COP1: variants seen among roughly 807,000 people sequenced by gnomAD.
COP1 encodes COP1 E3 ubiquitin ligase.
Under a neutral mutation model 101.3 loss-of-function variants are expected in COP1, and 24 were observed. That is an observed-to-expected ratio of 0.24 (90% CI 0.17 to 0.33). The LOEUF (loss-of-function observed/expected upper bound fraction) is 0.33, where lower values mean the gene tolerates loss of function less well. Ranked by LOEUF, COP1 falls within the 10% of genes least tolerant of loss-of-function variation. COP1 has a pLI of 1.00. For synonymous variants in COP1, 347 were observed against 341.9 expected (o/e 1.01, Z -0.17); for missense variants, 663 against 906.2 (o/e 0.73, Z 3.45).
chr1:176,116,564 T>C (rs1228212068), intron 9 of COP1, 60 bp downstream of exon 9: 2 of 1,357,182 alleles, frequency 1.5e-6, no homozygotes, highest in Non-Finnish European at 2.1e-6. Context: ...TAATCTATGA[T>C]TTTATAACTC....
chr1:176,176,331 T>A (rs1322646196), intron 2 of COP1, among the ~76,000 whole-genome samples: 1 of 152,164 alleles, frequency 6.6e-6, no homozygotes, highest in Non-Finnish European at 1.5e-5. Context: ...ACAGCTCAGT[T>A]AAGCAAACAG....
chr1:176,121,228 ATTTAATATT>A, intron 8 of COP1, among the ~76,000 whole-genome samples: 1 of 151,896 alleles, frequency 6.6e-6, no homozygotes, highest in East Asian at 1.9e-4. Flanking sequence ...ATTTTTAATA[ATTTAATATT>A]TTTAATATTT....
At chr1:176,025,658 G>C (rs1667539929) in intron 15 of COP1, among the ~76,000 whole-genome samples, 1 of 152,074 alleles carries the variant, frequency 6.6e-6, no homozygotes, top group Non-Finnish European at 1.5e-5. Flanking sequence ...GGGAAGCTGA[G>C]GTAGGCAGAC....
At chr1:176,115,426 G>T (rs1296793236) in intron 9 of COP1, among the ~76,000 whole-genome samples, 1 of 151,822 alleles carries the variant, frequency 6.6e-6, no homozygotes, top group East Asian at 1.9e-4. Context: ...CTCCAGCCTG[G>T]GCAGGAGCGG....
At chr1:176,114,070 G>T (rs1440072595) in intron 9 of COP1, among the ~76,000 whole-genome samples, 1 of 151,462 alleles carries the variant, frequency 6.6e-6, no homozygotes, top group African/African-American at 2.4e-5. Flanking sequence ...GTCTGATGTT[G>T]ATGTTCTGTG....
intron 3 of COP1, among the ~76,000 whole-genome samples, chr1:176,164,450 T>C (rs891686772): frequency 7.9e-5 from 12 of 152,220 alleles, no homozygotes; most frequent in African/African-American, 2.9e-4. Context: ...TTACTTTGAC[T>C]AACCTAAGGC....
intron 8 of COP1, among the ~76,000 whole-genome samples, chr1:176,129,302 A>G (rs1307751533): frequency 6.6e-6 from 1 of 151,874 alleles, no homozygotes; most frequent in Non-Finnish European, 1.5e-5. Flanking sequence ...ATGTCTCAAA[A>G]ATGTCTGATA....
chr1:176,170,422 A>C (rs1305025069), intron 3 of COP1, among the ~76,000 whole-genome samples: 1 of 152,226 alleles, frequency 6.6e-6, no homozygotes, highest in Non-Finnish European at 1.5e-5. Context: ...TGGGCTACAG[A>C]ATGGATATTG....
intron 18 of COP1, among the ~76,000 whole-genome samples, chr1:175,965,057 A>G (rs1651833528): frequency 6.6e-6 from 1 of 152,168 alleles, no homozygotes; most frequent in Non-Finnish European, 1.5e-5. Context: ...TTTTCATACC[A>G]AGATTATAAA....
chr1:176,184,304 C>T (rs1039090815), intron 2 of COP1, among the ~76,000 whole-genome samples: 4 of 151,992 alleles, frequency 2.6e-5, no homozygotes. Context: ...CCTATCCCCA[C>T]AAGTGAGTAA....
In COP1 at chr1:176,008,599, G is replaced by A. The variant is rs546544349; in HGVS notation, c.1729+18973C>T. On this transcript the variant is annotated intron_variant, in intron 15 of 19. Transcript: ENST00000367669. Reference sequence around the variant, plus strand: ...ACAAATATATAAGCCCTATAGCTAGGATAATTTCTACTAAGAATTTTTCTT... The same window carrying A: ...ACAAATATATAAGCCCTATAGCTAGAATAATTTCTACTAAGAATTTTTCTT... 4.1e-4 allele frequency among the ~76,000 whole-genome samples: 62 copies of A among 152,098 alleles called. 1 individual carries two copies. In the South Asian group the frequency reaches 0.012, roughly 31 times the overall value.
chr1:175,987,430 A>G (rs1358927471), intron 17 of COP1, among the ~76,000 whole-genome samples: 3 of 152,180 alleles, frequency 2.0e-5, no homozygotes, highest in African/African-American at 7.2e-5. Context: ...TTACTTTTGC[A>G]CCAGCCTAAT....
intron 8 of COP1, among the ~76,000 whole-genome samples, chr1:176,129,820 A>C (rs1688618244): frequency 2.0e-5 from 3 of 151,852 alleles, no homozygotes; most frequent in South Asian, 2.1e-4. Context: ...ATACATTCAG[A>C]AATTTAAAAG....
intron 12 of COP1, among the ~76,000 whole-genome samples, chr1:176,045,090 C>T (rs1490462416): frequency 1.3e-5 from 2 of 152,152 alleles, no homozygotes; most frequent in Non-Finnish European, 2.9e-5. Context: ...TGAATCCTGG[C>T]TCCTCTATAT....
intron 15 of COP1, among the ~76,000 whole-genome samples, chr1:176,021,615 A>G (rs1411392449): frequency 4.6e-5 from 7 of 152,226 alleles, no homozygotes; most frequent in Admixed American, 4.6e-4. Flanking sequence ...AATATTGCAA[A>G]TAAATAAATT....
chr1:175,989,855 A>G (rs2148748890), intron 15 of COP1, among the ~76,000 whole-genome samples: 1 of 152,286 alleles, frequency 6.6e-6, no homozygotes, highest in South Asian at 2.1e-4. Flanking sequence ...AAAATATTGT[A>G]TGCAATTCAA....
At chr1:176,017,219 C>T (rs1359224474) in intron 15 of COP1, 1 of 152,148 alleles carries the variant, frequency 6.6e-6, no homozygotes, top group Non-Finnish European at 1.5e-5. Flanking sequence ...GATTGGGACA[C>T]AATCAGTCTA....
intron 15 of COP1, among the ~76,000 whole-genome samples, chr1:176,012,164 C>T (rs1427869245): frequency 6.6e-6 from 1 of 152,216 alleles, no homozygotes; most frequent in African/African-American, 2.4e-5. Context: ...CACTGTACTT[C>T]AGCCTAAGCC....
intron 1 of COP1, among the ~76,000 whole-genome samples, chr1:176,197,184 T>G (rs1458466993): frequency 1.3e-5 from 2 of 152,028 alleles, no homozygotes; most frequent in East Asian, 3.9e-4. Flanking sequence ...GACTGAGAGG[T>G]GACAAAGCTA....
Sources: allele counts gnomAD v4.1 joint callset (sites outside exome capture counted in the v4.1 genomes callset), GRCh38; gene constraint gnomAD v4.1.1; transcripts MANE v1.5; gene names NCBI Gene and HGNC (gene_info 2026-07-23, HGNC 2026-07-21).